BACH2: variants seen among roughly 807,000 people sequenced by gnomAD.
The protein encoded by BACH2 is BACH transcriptional regulator 2.
In BACH2, 5 loss-of-function variants were observed where a neutral mutation model predicts 61.8. The observed-to-expected ratio is 0.08, with a 90% CI of 0.04 to 0.17. The LOEUF is 0.17. Ranked by LOEUF, BACH2 falls within the 10% of genes least tolerant of loss-of-function variation. BACH2 has a pLI of 1.00. For synonymous variants in BACH2, 446 were observed against 440.1 expected (o/e 1.01, Z -0.17); for missense variants, 824 against 1,091.1 (o/e 0.76, Z 3.45).
At chr6:90,144,786 G>A (rs879399673) in intron 4 of BACH2, among the ~76,000 whole-genome samples, 2 of 152,126 alleles carry the variant, frequency 1.3e-5, no homozygotes, top group East Asian at 3.8e-4. Flanking sequence ...CTACAATGCA[G>A]GTGAGTAAAC....
intron 4 of BACH2, among the ~76,000 whole-genome samples, chr6:90,182,337 T>A (rs72925969): frequency 0.014 from 2,085 of 152,348 alleles, 19 homozygotes; most frequent in Non-Finnish European, 0.022. Flanking sequence ...CTATCTGGAA[T>A]GTCCTTCATC....
At chr6:90,155,464 T>G (rs1446716386) in intron 4 of BACH2, among the ~76,000 whole-genome samples, 3 of 152,242 alleles carry the variant, frequency 2.0e-5, no homozygotes, top group African/African-American at 7.2e-5. Flanking sequence ...CTAGAGCAAC[T>G]TCCCATCCTT....
chr6:90,233,213 G>A (rs1171694365), intron 3 of BACH2, among the ~76,000 whole-genome samples: 1 of 152,094 alleles, frequency 6.6e-6, no homozygotes, highest in Non-Finnish European at 1.5e-5. Context: ...TTTTATTTGG[G>A]AGCTTGCACT....
intron 5 of BACH2, among the ~76,000 whole-genome samples, chr6:90,080,037 C>T (rs1332919864): frequency 1.3e-5 from 2 of 151,968 alleles, no homozygotes; most frequent in Non-Finnish European, 2.9e-5. Flanking sequence ...CCGCAAGGCA[C>T]GGGCACCACC....
chr6:90,234,649 A>G (rs183412189), intron 3 of BACH2, among the ~76,000 whole-genome samples: 1 of 152,356 alleles, frequency 6.6e-6, no homozygotes, highest in African/African-American at 2.4e-5. Flanking sequence ...AATTAAATAA[A>G]ACAATGTGCA....
In BACH2 at chr6:89,950,812, T is replaced by C. The variant is rs1774044762; in HGVS notation, c.1294A>G (p.Ile432Val). ...QEGELDRRSV[I>V]FSSSACDQVS... ...TGGTCACAAGCGCTGGAGGAGAAGA[T>C]CACGCTCCTCCGGTCCAGCTCTCCC... is the stretch of plus-strand genomic sequence containing the variant. Residue 432 changes from isoleucine to valine, a missense_variant, in exon 7 of 9, where the codon ATC becomes GTC. By Grantham distance (29) the Ile-to-Val change is conservative. Around this residue, in one of 8 missense-constraint regions of BACH2, gnomAD observed 9 missense variants for 27.6 expected, o/e 0.33. Transcript: ENST00000257749. This position sits in a 1 kb window ranked among gnomAD's most constrained non-coding sequence, Gnocchi z 5.3. The C allele has an allele frequency of 6.2e-7, 1 of 1,613,904 alleles. No individual in the cohort carries two copies. The highest frequency in any genetic ancestry group is 8.5e-7 in the Non-Finnish European group (1 of 1,180,004).
At chr6:89,969,573 T>C (rs377658945) in intron 6 of BACH2, among the ~76,000 whole-genome samples, 9 of 152,280 alleles carry the variant, frequency 5.9e-5, no homozygotes, top group South Asian at 2.1e-4. Flanking sequence ...AGTCAGCCTT[T>C]GTCCTTCAAA....
intron 4 of BACH2, among the ~76,000 whole-genome samples, chr6:90,204,723 C>A (rs552968636): frequency 6.6e-6 from 1 of 152,282 alleles, no homozygotes; most frequent in Admixed American, 6.5e-5. Flanking sequence ...TTTCAATACA[C>A]CAAACTCCAA....
At chr6:89,947,500 A>T (rs1456091520) in intron 7 of BACH2, among the ~76,000 whole-genome samples, 3 of 152,206 alleles carry the variant, frequency 2.0e-5, no homozygotes, top group Admixed American at 2.0e-4. Flanking sequence ...ATGTTTTCCA[A>T]AATGGCATAG....
At chr6:90,123,100 A>G (rs1783699333) in intron 4 of BACH2, among the ~76,000 whole-genome samples, 1 of 152,224 alleles carries the variant, frequency 6.6e-6, no homozygotes, top group African/African-American at 2.4e-5. Context: ...GATGTAATTA[A>G]GTTGAGAATC....
chr6:90,099,920 T>A (rs7753008), intron 4 of BACH2, among the ~76,000 whole-genome samples: 1 of 151,990 alleles, frequency 6.6e-6, no homozygotes, highest in African/African-American at 2.4e-5. Flanking sequence ...ACACCCATAG[T>A]AGTTACTCTT....
intron 6 of BACH2, among the ~76,000 whole-genome samples, chr6:89,963,218 A>C (rs544496679): frequency 6.6e-6 from 1 of 152,286 alleles, no homozygotes; most frequent in South Asian, 2.1e-4. Context: ...GACTACTACC[A>C]AAAAAACAGA....
intron 4 of BACH2, among the ~76,000 whole-genome samples, chr6:90,120,640 C>T (rs553381744): frequency 3.9e-5 from 6 of 152,260 alleles, no homozygotes; most frequent in East Asian, 1.9e-4. Context: ...GCTTTTTGAA[C>T]GGGTTTTTAC....
At chr6:90,150,305 G>C (rs1784770129) in intron 4 of BACH2, among the ~76,000 whole-genome samples, 1 of 152,156 alleles carries the variant, frequency 6.6e-6, no homozygotes, top group African/African-American at 2.4e-5. Flanking sequence ...TCATCAGCAA[G>C]ACCAAATAAT....
intron 5 of BACH2, among the ~76,000 whole-genome samples, chr6:90,019,009 A>G (rs1269693631): frequency 2.6e-5 from 4 of 152,136 alleles, no homozygotes; most frequent in Non-Finnish European, 5.9e-5. Context: ...TATCTCCCAT[A>G]TAGGGTCTCA....
chr6:89,988,358 A>G (rs1776354657), intron 6 of BACH2, among the ~76,000 whole-genome samples: 1 of 152,224 alleles, frequency 6.6e-6, no homozygotes. Flanking sequence ...TCAGTCACAC[A>G]GACCCACAGT....
At chr6:90,046,108 T>C (rs1384147483) in intron 5 of BACH2, among the ~76,000 whole-genome samples, 1 of 152,210 alleles carries the variant, frequency 6.6e-6, no homozygotes, top group African/African-American at 2.4e-5. Flanking sequence ...CATCCACGTC[T>C]GAAAGAGTGA....
intron 4 of BACH2, among the ~76,000 whole-genome samples, chr6:90,129,341 T>C (rs1182759359): frequency 6.6e-6 from 1 of 152,102 alleles, no homozygotes; most frequent in East Asian, 1.9e-4. Flanking sequence ...TTCTTTTTCT[T>C]CTAAAAAAAC....
intron 1 of BACH2, among the ~76,000 whole-genome samples, chr6:90,294,914 A>T (rs2127895611): frequency 6.6e-6 from 1 of 152,332 alleles, no homozygotes; most frequent in East Asian, 1.9e-4. Context: ...AAACAGACAA[A>T]AGCAAAATAT....
Sources: allele counts gnomAD v4.1 joint callset (sites outside exome capture counted in the v4.1 genomes callset), GRCh38; gene constraint gnomAD v4.1.1; regional missense constraint gnomAD v4.1.1; non-coding constraint Gnocchi (gnomAD v3.1); transcripts MANE v1.5; gene names NCBI Gene and HGNC (gene_info 2026-07-23, HGNC 2026-07-21).